The following UMAD1 variants were observed in gnomAD, a reference collection of about 807,000 sequenced individuals.
The protein encoded by UMAD1 is UBAP1-MVB12-associated (UMA) domain containing 1.
UMAD1 carries 8 observed loss-of-function variants against 6.1 expected under a neutral mutation model. That is an observed-to-expected ratio of 1.30 (90% CI 0.76 to 2.35). UMAD1 has a LOEUF of 2.35. Among genes scored for constraint, UMAD1 ranks in the 30% most tolerant of loss-of-function variants. UMAD1 has a pLI of 0.00. For synonymous variants in UMAD1, 56 were observed against 31.4 expected (o/e 1.78, Z -2.61); for missense variants, 130 against 78.4 (o/e 1.66, Z -2.49).
intron 3 of UMAD1, among the ~76,000 whole-genome samples, chr7:7,833,129 A>G (rs775173110): frequency 3.3e-5 from 5 of 152,176 alleles, no homozygotes; most frequent in Middle Eastern, 3.2e-3. Context: ...GAAACTTTTT[A>G]CTTAATTCAG....
At chr7:7,742,314 G>T in intron 2 of UMAD1, 1 of 629,578 alleles carries the variant, frequency 1.6e-6, no homozygotes, top group Middle Eastern at 3.0e-4. Flanking sequence ...GTGGTCAGCG[G>T]AAATTTGATA....
chr7:7,870,329 A>G (rs753765794), intron 3 of UMAD1, among the ~76,000 whole-genome samples: 7 of 152,236 alleles, frequency 4.6e-5, no homozygotes, highest in African/African-American at 1.4e-4. Context: ...TGAAGAAACT[A>G]TACTCAGAAA....
At chr7:7,804,983 GAAAAC>G (rs59013853) in intron 3 of UMAD1, among the ~76,000 whole-genome samples, 30,810 of 151,402 alleles carry the variant, frequency 0.2, 3,439 homozygotes, top group South Asian at 0.31. Context: ...TCCTTCTCAA[GAAAAC>G]AAAACAAAAC....
intron 3 of UMAD1, among the ~76,000 whole-genome samples, chr7:7,809,964 G>C (rs893213997): frequency 1.3e-5 from 2 of 152,004 alleles, no homozygotes; most frequent in African/African-American, 4.8e-5. Flanking sequence ...TCAAAGAATG[G>C]AATAAGATTA....
chr7:7,872,852 G>A (rs1338445799), intron 3 of UMAD1, among the ~76,000 whole-genome samples: 1 of 152,186 alleles, frequency 6.6e-6, no homozygotes, highest in African/African-American at 2.4e-5. Context: ...GAAAGTTTGA[G>A]TGGGATGAGA....
chr7:7,795,938 C>A (rs573745694), intron 2 of UMAD1, among the ~76,000 whole-genome samples: 4 of 152,064 alleles, frequency 2.6e-5, no homozygotes, highest in Non-Finnish European at 5.9e-5. Flanking sequence ...GAATGTCTAA[C>A]CTCCTGGGGA....
chr7:7,672,978 G>T (rs532941114), intron 1 of UMAD1, among the ~76,000 whole-genome samples: 1 of 152,148 alleles, frequency 6.6e-6, no homozygotes, highest in South Asian at 2.1e-4. Context: ...ACCCAAACCA[G>T]TGTCTGTTTT....
chr7:7,759,342 A>T (rs1163023091), intron 2 of UMAD1, among the ~76,000 whole-genome samples: 2 of 152,222 alleles, frequency 1.3e-5, no homozygotes. Flanking sequence ...TATAAATAAT[A>T]TATTTTAAAG....
intron 3 of UMAD1, among the ~76,000 whole-genome samples, chr7:7,874,793 G>A (rs1784387120): frequency 6.6e-6 from 1 of 152,188 alleles, no homozygotes; most frequent in South Asian, 2.1e-4. Context: ...AATAAGGATA[G>A]TGATTGACAG....
At chr7:7,785,269 A>G (rs1782439244) in intron 2 of UMAD1, among the ~76,000 whole-genome samples, 1 of 152,232 alleles carries the variant, frequency 6.6e-6, no homozygotes, top group Admixed American at 6.5e-5. Flanking sequence ...TCATTTACTC[A>G]TTGAATATTT....
chr7:7,681,305 A>C (rs1196010096), intron 2 of UMAD1, among the ~76,000 whole-genome samples: 5 of 152,130 alleles, frequency 3.3e-5, no homozygotes, highest in Non-Finnish European at 7.4e-5. Flanking sequence ...TTAGGTCACA[A>C]TTATTAGATG....
intron 2 of UMAD1, among the ~76,000 whole-genome samples, chr7:7,771,972 A>G (rs1052526369): frequency 6.6e-6 from 1 of 152,112 alleles, no homozygotes; most frequent in Non-Finnish European, 1.5e-5. Flanking sequence ...ATATATATCT[A>G]TATATATATG....
At chr7:7,795,245 C>A (rs77155679) in intron 2 of UMAD1, among the ~76,000 whole-genome samples, 10 of 152,322 alleles carry the variant, frequency 6.6e-5, no homozygotes, top group African/African-American at 2.4e-4. Context: ...ACATTGGATC[C>A]GAATAAACCT....
intron 2 of UMAD1, among the ~76,000 whole-genome samples, chr7:7,714,287 G>A (rs957303388): frequency 1.8e-4 from 27 of 152,218 alleles, no homozygotes; most frequent in African/African-American, 6.5e-4. Context: ...GATGTTGACA[G>A]CATCTAGTTT....
chr7:7,733,685 A>G (rs1379871734), intron 2 of UMAD1, among the ~76,000 whole-genome samples: 1 of 150,462 alleles, frequency 6.6e-6, no homozygotes, highest in Non-Finnish European at 1.5e-5. Flanking sequence ...CCAAAATATT[A>G]TTTTCAGCTC....
chr7:7,652,808 T>G (rs1199033332), intron 1 of UMAD1, among the ~76,000 whole-genome samples: 3 of 152,224 alleles, frequency 2.0e-5, no homozygotes, highest in Non-Finnish European at 4.4e-5. Context: ...TAGTAAGCCT[T>G]CTGATGATGC....
At chr7:7,716,786 G>C (rs565767323) in intron 2 of UMAD1, among the ~76,000 whole-genome samples, 2 of 152,252 alleles carry the variant, frequency 1.3e-5, no homozygotes, top group African/African-American at 4.8e-5. Context: ...TCTACTAAAA[G>C]CACAAAAAAA....
chr7:7,720,839 A>G lies in UMAD1; in HGVS notation c.82+47386A>G, dbSNP rs75453624. The stretch of plus-strand genomic sequence containing the variant: ...GTTATGGGTTGAATTCTGTCCCCCC[A>G]AAAAGGTATATTTAAGACTTCACCC... On this transcript the variant is annotated intron_variant, in intron 2 of 3. Coordinates refer to ENST00000682710, the MANE Select transcript of UMAD1 (RefSeq NM_001302348.2). 2.4e-3 allele frequency among the ~76,000 whole-genome samples: 364 copies of G among 152,268 alleles called. 2 individuals carry two copies. The highest frequency in any genetic ancestry group is 8.4e-3 in the African/African-American group (350 of 41,544).
chr7:7,681,870 C>T (rs886218661), intron 2 of UMAD1, among the ~76,000 whole-genome samples: 5 of 151,862 alleles, frequency 3.3e-5, no homozygotes, highest in South Asian at 2.1e-4. Flanking sequence ...AGGGATATTG[C>T]GTAAATGTTA....
Sources: gnomAD v4.1 joint callset for allele counts (sites outside exome capture counted in the v4.1 genomes callset) on GRCh38, gnomAD v4.1.1 for gene constraint, MANE v1.5 for transcripts, NCBI Gene and HGNC (gene_info 2026-07-23, HGNC 2026-07-21) for gene names.